TRIM24: variants seen among roughly 807,000 people sequenced by gnomAD.
TRIM24 encodes the protein tripartite motif containing 24, also known as transcription intermediary factor 1-alpha.
TRIM24 carries 29 observed loss-of-function variants against 123.9 expected under a neutral mutation model. The observed-to-expected ratio is 0.23, with a 90% CI of 0.17 to 0.32. TRIM24 has a LOEUF of 0.32. Ranked by LOEUF, TRIM24 falls within the 10% of genes least tolerant of loss-of-function variation. TRIM24 has a pLI of 1.00. For missense variants in TRIM24, 932 were observed against 1,295.3 expected, an observed-to-expected ratio of 0.72 and a Z score of 4.31; for synonymous variants, 456 against 461.1, an observed-to-expected ratio of 0.99 and a Z score of 0.14.
At chr7:138,550,531 G>GACT (rs1158699512) in intron 7 of TRIM24, among the ~76,000 whole-genome samples, 1 of 152,094 alleles carries the variant, frequency 6.6e-6, no homozygotes, top group Non-Finnish European at 1.5e-5. Flanking sequence ...GTTCATTGAT[G>GACT]ACTGCAGCGT....
At chr7:138,578,939 G>GATATATATATATATAT (rs201320404) in intron 14 of TRIM24, among the ~76,000 whole-genome samples, 1 of 149,292 alleles carries the variant, frequency 6.7e-6, no homozygotes, top group Non-Finnish European at 1.5e-5. Flanking sequence ...TATATATATA[G>GATATATATATATATAT]GTCATGTGGT....
chr7:138,536,415 T>TGTTA lies in TRIM24; in HGVS notation c.997-2238_997-2235dup, dbSNP rs539222814. Among the ~76,000 whole-genome samples, 6 of 152,356 alleles carry TGTTA rather than the reference T, an allele frequency of 3.9e-5. No homozygotes were observed. In the South Asian group the frequency reaches 1.2e-3, roughly 32 times the overall value. On this transcript the variant is annotated intron_variant, in intron 6 of 18. Transcript: ENST00000343526. ...TTTTGGTGTGGATGTCCTTTCTGTTTGTTAGTTTTCTTTCTACCAGTCAGG... is the reference window on the plus strand; with the variant it reads ...TTTTGGTGTGGATGTCCTTTCTGTTTGTTAGTTAGTTTTCTTTCTACCAGTCAGG...
intron 1 of TRIM24, among the ~76,000 whole-genome samples, chr7:138,465,606 A>G (rs762732898): frequency 6.6e-6 from 1 of 152,244 alleles, no homozygotes; most frequent in African/African-American, 2.4e-5. Flanking sequence ...AACTGGCAGT[A>G]TACAAGATAC....
chr7:138,468,501 T>C (rs1795201042), intron 1 of TRIM24, among the ~76,000 whole-genome samples: 1 of 152,210 alleles, frequency 6.6e-6, no homozygotes, highest in East Asian at 1.9e-4. Flanking sequence ...GGTATATTTT[T>C]CCCATGCTTT....
At chr7:138,582,979 T>G (rs573087384) in intron 17 of TRIM24, among the ~76,000 whole-genome samples, 131 of 152,350 alleles carry the variant, frequency 8.6e-4, no homozygotes, top group Middle Eastern at 3.4e-3. Flanking sequence ...TTATCCTGGC[T>G]TACAGTTACG....
chr7:138,515,130 TG>T (rs1796369272), intron 2 of TRIM24, 81 bp from the exon 3 acceptor site: 1 of 1,375,154 alleles, frequency 7.3e-7, no homozygotes, highest in Non-Finnish European at 9.8e-7. Flanking sequence ...CTGGTACAAT[TG>T]GTGTATCATG....
At chr7:138,463,043 G>GTTTTTTTTTTTTTTTTTT (rs57719141) in intron 1 of TRIM24, among the ~76,000 whole-genome samples, 2 of 60,136 alleles carry the variant, frequency 3.3e-5, no homozygotes, top group South Asian at 7.1e-4. Flanking sequence ...CTAATTTTGT[G>GTTTTTTTTTTTTTTTTTT]TTTTTTTTTT....
At chr7:138,515,530 G>A (rs1245244305) in intron 3 of TRIM24, among the ~76,000 whole-genome samples, 171 bp downstream of exon 3, 3 of 152,118 alleles carry the variant, frequency 2.0e-5, no homozygotes, top group Non-Finnish European at 2.9e-5. Context: ...TGGAAAGTAC[G>A]AATAGATGTA....
At chr7:138,574,038 T>G (rs1037087547) in intron 12 of TRIM24, among the ~76,000 whole-genome samples, 1 of 152,198 alleles carries the variant, frequency 6.6e-6, no homozygotes, top group Non-Finnish European at 1.5e-5. Context: ...CTCCCAAAGC[T>G]TTGGGATTAC....
chr7:138,557,589 C>T (rs1329354091), intron 9 of TRIM24, among the ~76,000 whole-genome samples: 2 of 152,292 alleles, frequency 1.3e-5, no homozygotes. Context: ...ATCTGGAGAC[C>T]ATCCTTTCTA....
At chr7:138,583,752 A>G (rs1325059163) in intron 17 of TRIM24, 98 bp from the exon 18 acceptor site, 7 of 915,092 alleles carry the variant, frequency 7.6e-6, no homozygotes, top group Non-Finnish European at 1.1e-5. Context: ...GAGAAAAGCA[A>G]TGAGAACATT....
intron 12 of TRIM24, 86 bp from the exon 13 acceptor site, chr7:138,576,287 A>G (rs1351899430): frequency 1.6e-6 from 2 of 1,228,040 alleles, no homozygotes; most frequent in East Asian, 2.3e-5. Context: ...CCCAGTTTCA[A>G]TGTAGTGCTA....
chr7:138,580,415 A>T, intron 15 of TRIM24, 147 bp from the exon 16 acceptor site: 1 of 898,704 alleles, frequency 1.1e-6, no homozygotes, highest in Non-Finnish European at 1.7e-6. Flanking sequence ...CAGTATACCT[A>T]GTGGTATGTG....
chr7:138,570,724 A>AAAT, intron 10 of TRIM24, 106 bp from the exon 11 acceptor site: 1 of 1,107,470 alleles, frequency 9.0e-7, no homozygotes, highest in South Asian at 1.8e-5. Flanking sequence ...CCTTCCATGT[A>AAAT]AATTACAGTT....
rs188263281 is a variant in TRIM24 at position 138,531,642 on chromosome 7, A to C, written c.996+2412A>C. ...TTGTTGGACATTTGGGTTGGTTCCA[A>C]GTTTGTGCTATTGTGAATAGTGCCG... On this transcript the variant is annotated intron_variant, in intron 6 of 18. Coordinates refer to ENST00000343526, the MANE Select transcript of TRIM24 (RefSeq NM_015905.3). Among the ~76,000 whole-genome samples the C allele has an allele frequency of 4.3e-3, 647 of 152,208 alleles. 6 individuals carry two copies. Among genetic ancestry groups the C allele is most frequent in the African/African-American group, 0.015 (632 of 41,520 alleles).
rs1484760829 is a variant in TRIM24, at chr7:138,587,728, T to A, written c.*2777T>A. ...AGGGCTTATGGATGAGCAGACCACG[T>A]AGGAGCTAGGATTTACTCAGTTCCA... On this transcript the variant is annotated 3_prime_UTR_variant, in exon 19 of 19. Transcript: ENST00000343526. The A allele has an allele frequency of 3.3e-5, 5 of 152,204 alleles. No homozygotes were observed. Among genetic ancestry groups the A allele is most frequent in the African/African-American group, 1.2e-4 (5 of 41,458 alleles). The allele number at this position is 152,204 out of a possible 1,614,324, so 9.4% of individuals were successfully genotyped here. A position where few individuals can be genotyped will look rare whatever the true frequency, so the allele number is the denominator to read the frequency against.
chr7:138,559,215 C>G (rs1797376196), intron 9 of TRIM24, among the ~76,000 whole-genome samples: 1 of 152,108 alleles, frequency 6.6e-6, no homozygotes, highest in Non-Finnish European at 1.5e-5. Flanking sequence ...CTAAGTGGCT[C>G]CCTGCGCACT....
chr7:138,564,276 A>G (rs560539246), intron 9 of TRIM24, among the ~76,000 whole-genome samples: 285 of 152,146 alleles, frequency 1.9e-3, no homozygotes, highest in African/African-American at 6.4e-3. Flanking sequence ...GCATGACCAG[A>G]TTGGAGGCAG....
At chr7:138,531,947 T>G (rs1796756327) in intron 6 of TRIM24, among the ~76,000 whole-genome samples, 1 of 152,198 alleles carries the variant, frequency 6.6e-6, no homozygotes, top group Non-Finnish European at 1.5e-5. Flanking sequence ...GTGGTTTTGA[T>G]TTGCATTTCT....
Sources: gnomAD v4.1 joint callset for allele counts (sites outside exome capture counted in the v4.1 genomes callset) on GRCh38, gnomAD v4.1.1 for gene constraint, MANE v1.5 for transcripts, NCBI Gene and HGNC (gene_info 2026-07-23, HGNC 2026-07-21) for gene names.